Variants in FAM171A1 observed in about 807,000 individuals in gnomAD.
The protein encoded by FAM171A1 is protein FAM171A1.
Under a neutral mutation model 74.9 loss-of-function variants are expected in FAM171A1, and 23 were observed. That is an observed-to-expected ratio of 0.31 (90% CI 0.22 to 0.44). The LOEUF (loss-of-function observed/expected upper bound fraction) is 0.44, where lower values mean the gene tolerates loss of function less well. FAM171A1 is among the 20% of genes least tolerant of loss of function. The pLI, the probability that FAM171A1 is intolerant of heterozygous loss-of-function variation, is 1.00. For missense variants in FAM171A1, 1,162 were observed against 1,159.2 expected (o/e 1.00, Z -0.03); for synonymous variants, 527 against 505.7 (o/e 1.04, Z -0.57).
chr10:15,283,395 C>A (rs1432993883), intron 2 of FAM171A1, among the ~76,000 whole-genome samples: 1 of 152,170 alleles, frequency 6.6e-6, no homozygotes, highest in South Asian at 2.1e-4. Flanking sequence ...TATGAACTCT[C>A]CTAGATGATC....
chr10:15,263,130 G>A (rs1025144372), intron 3 of FAM171A1, among the ~76,000 whole-genome samples: 14 of 152,194 alleles, frequency 9.2e-5, no homozygotes, highest in Admixed American at 3.3e-4. Context: ...CAGTCGGCCC[G>A]ATGACAGTGC....
chr10:15,213,815 G>C lies in FAM171A1; in HGVS notation c.1773C>G (p.Pro591=). The stretch of plus-strand genomic sequence containing the variant: ...GCTGGCTGACATAGGAGTGGTCCCC[G>C]GGGAGTTTCATATAATGAGCCGGGA... The part of the protein sequence containing the change: ...LVIPAHYMKL[P]GDHSYVSQPL... The change falls in exon 8 of 8, where the codon CCC becomes CCG. Residue 591 remains proline, a synonymous_variant. Coordinates refer to ENST00000378116, the MANE Select transcript of FAM171A1 (RefSeq NM_001010924.2). The surrounding 1 kb of genome is among the most constrained non-coding windows in gnomAD (Gnocchi z 6.8). The C allele has an allele frequency of 1.2e-6, 2 of 1,614,130 alleles. No individual in the cohort carries two copies. The highest frequency in any genetic ancestry group is 1.7e-6 in the Non-Finnish European group (2 of 1,180,032).
chr10:15,235,410 G>C (rs1202927416), intron 5 of FAM171A1, among the ~76,000 whole-genome samples: 1 of 148,816 alleles, frequency 6.7e-6, no homozygotes. Context: ...TTACTGAACT[G>C]AACTTGTCAC....
chr10:15,262,856 C>T (rs1834676701), intron 3 of FAM171A1, among the ~76,000 whole-genome samples: 2 of 152,178 alleles, frequency 1.3e-5, no homozygotes, highest in African/African-American at 4.8e-5. Flanking sequence ...GGCAGAGAAG[C>T]TGCAGGAGGA....
At chr10:15,344,717 A>T (rs1835800300) in intron 1 of FAM171A1, among the ~76,000 whole-genome samples, 1 of 152,230 alleles carries the variant, frequency 6.6e-6, no homozygotes, top group East Asian at 1.9e-4. Context: ...AACCCTAGGG[A>T]TAACAGCCCC....
At position 15,213,435 on chromosome 10, in the gene FAM171A1, G is replaced by A; in HGVS notation, c.2153C>T (p.Ala718Val). ...ATCAATGTATGAATGTCTAACGTGA[G>A]CGTTGGACCTGCCATCCAAGGAGAC... ...WFVSLDGRSN[A>V]HVRHSYIDLQ... Residue 718 changes from alanine (A) to valine (V), a missense_variant, in exon 8 of 8, where the codon GCT becomes GTT. Coordinates refer to ENST00000378116, the MANE Select transcript of FAM171A1 (RefSeq NM_001010924.2). The surrounding 1 kb of genome is among the most constrained non-coding windows in gnomAD (Gnocchi z 6.8). 6.2e-7 allele frequency: 1 copy of A among 1,614,178 alleles called. No individual in the cohort carries two copies. Among genetic ancestry groups the A allele is most frequent in the Non-Finnish European group, 8.5e-7 (1 of 1,180,038 alleles).
intron 1 of FAM171A1, among the ~76,000 whole-genome samples, chr10:15,328,712 T>C (rs539805161): frequency 3.9e-5 from 6 of 152,202 alleles, no homozygotes; most frequent in African/African-American, 1.2e-4. Context: ...TTGGGTCCAA[T>C]TGTCTAGCCT....
At chr10:15,272,410 C>A (rs1047855780) in intron 3 of FAM171A1, among the ~76,000 whole-genome samples, 1 of 152,176 alleles carries the variant, frequency 6.6e-6, no homozygotes, top group Non-Finnish European at 1.5e-5. Flanking sequence ...TAGAGACTTA[C>A]AAAGAGTCTT....
intron 1 of FAM171A1, among the ~76,000 whole-genome samples, chr10:15,305,878 T>C (rs1210408285): frequency 2.0e-5 from 3 of 152,162 alleles, no homozygotes; most frequent in Non-Finnish European, 4.4e-5. Context: ...CCTATGTGCC[T>C]GTGCACGAAC....
intron 5 of FAM171A1, among the ~76,000 whole-genome samples, chr10:15,221,921 T>C (rs573002676): frequency 1.8e-4 from 27 of 152,268 alleles, no homozygotes; most frequent in African/African-American, 5.5e-4. Flanking sequence ...ATTTTTACTT[T>C]GTGAAGTTTC....
chr10:15,266,448 G>A (rs1834742102), intron 3 of FAM171A1, among the ~76,000 whole-genome samples: 1 of 152,106 alleles, frequency 6.6e-6, no homozygotes, highest in Admixed American at 6.5e-5. Context: ...CCAACCATGT[G>A]GCATCCAGGC....
chr10:15,350,677 C>T (rs1441581966), intron 1 of FAM171A1, among the ~76,000 whole-genome samples: 8 of 135,034 alleles, frequency 5.9e-5, no homozygotes, highest in African/African-American at 1.7e-4. Context: ...CAGTCTCTGT[C>T]GCCCAGGCTG....
At position 15,307,907 on chromosome 10, in the gene FAM171A1, G is replaced by A. The variant is rs1022980043; in HGVS notation, c.98-23802C>T. 3.3e-5 allele frequency among the ~76,000 whole-genome samples: 5 copies of A among 151,518 alleles called. No individual in the cohort carries two copies. The East Asian group carries it at 5.9e-4, about 18-fold the overall frequency. ...CAGCCTCGAATCCTTGGGCTCAAGC[G>A]ATCCTCCTACCTCAGCCTCCCAGGT... is the stretch of plus-strand genomic sequence containing the variant. On this transcript the variant is annotated intron_variant, in intron 1 of 7. Coordinates refer to ENST00000378116, the MANE Select transcript of FAM171A1 (RefSeq NM_001010924.2).
chr10:15,219,319 AAC>A (rs1260726900), intron 6 of FAM171A1, among the ~76,000 whole-genome samples: 2 of 151,970 alleles, frequency 1.3e-5, no homozygotes, highest in Non-Finnish European at 2.9e-5. Context: ...ACAAAACCAA[AAC>A]ACACACACAC....
intron 1 of FAM171A1, among the ~76,000 whole-genome samples, chr10:15,347,349 G>C (rs1255839963): frequency 6.6e-6 from 1 of 152,184 alleles, no homozygotes; most frequent in Non-Finnish European, 1.5e-5. Context: ...GTTGCTCCCT[G>C]AAGCAGTTTT....
Position 15,212,641 on chromosome 10 carries a change from C to A in FAM171A1, c.*274G>T. 1 of 494,640 alleles carries A rather than the reference C, an allele frequency of 2.0e-6. No homozygotes were observed. Among genetic ancestry groups the A allele is most frequent in the Non-Finnish European group, 3.6e-6 (1 of 279,022 alleles). 30.6% of individuals were successfully genotyped at this position (494,640 alleles called of 1,614,324 possible). ...CATCACGTGCGGTTTCTTAATGTCC[C>A]TGGTGGCGGATACGCCGAGTCCTCG... On this transcript the variant is annotated 3_prime_UTR_variant, in exon 8 of 8. Coordinates refer to ENST00000378116, the MANE Select transcript of FAM171A1 (RefSeq NM_001010924.2).
intron 1 of FAM171A1, among the ~76,000 whole-genome samples, chr10:15,346,891 C>T (rs1210918181): frequency 6.6e-6 from 1 of 152,094 alleles, no homozygotes; most frequent in African/African-American, 2.4e-5. Context: ...AGAATTCCAC[C>T]GCTTTAGCAG....
At chr10:15,294,628 G>A (rs766649682) in intron 1 of FAM171A1, among the ~76,000 whole-genome samples, 2 of 152,170 alleles carry the variant, frequency 1.3e-5, no homozygotes, top group Non-Finnish European at 2.9e-5. Context: ...GTAGTACAAA[G>A]AGCATCTGCT....
intron 3 of FAM171A1, among the ~76,000 whole-genome samples, chr10:15,270,132 G>A (rs978962197): frequency 6.6e-6 from 1 of 152,196 alleles, no homozygotes; most frequent in Non-Finnish European, 1.5e-5. Context: ...TCCTAGCCAA[G>A]GGAAGCTGTG....
Sources: allele counts gnomAD v4.1 joint callset (sites outside exome capture counted in the v4.1 genomes callset), GRCh38; gene constraint gnomAD v4.1.1; non-coding constraint Gnocchi (gnomAD v3.1); transcripts MANE v1.5; gene names NCBI Gene and HGNC (gene_info 2026-07-23, HGNC 2026-07-21).